The following PCDHGA4 variants were observed in gnomAD, a reference collection of about 807,000 sequenced individuals.
PCDHGA4 encodes protocadherin gamma-A4.
Under a neutral mutation model 54.6 loss-of-function variants are expected in PCDHGA4, and 38 were observed. The observed-to-expected ratio is 0.70, with a 90% CI of 0.54 to 0.91. PCDHGA4 has a LOEUF of 0.91. Ranked by LOEUF, PCDHGA4 falls within the 40% of genes least tolerant of loss-of-function variation. The pLI is 0.00. For missense variants in PCDHGA4, 1,298 were observed against 1,220.9 expected (o/e 1.06, Z -0.94); for synonymous variants, 511 against 512.9 (o/e 1.00, Z 0.05).
intron 1 of PCDHGA4, chr5:141,439,898 C>T (rs1428014089): frequency 6.6e-6 from 1 of 152,344 alleles, no homozygotes; most frequent in African/African-American, 2.4e-5. Context: ...ACCAAGGCGA[C>T]TACTGCCTCC....
chr5:141,374,160 C>T, intron 1 of PCDHGA4: 1 of 1,612,164 alleles, frequency 6.2e-7, no homozygotes, highest in Non-Finnish European at 8.5e-7. Context: ...CTGTGGGGGG[C>T]CGCGGCAGCG....
At chr5:141,500,252 A>G (rs2099798400) in intron 2 of PCDHGA4, among the ~76,000 whole-genome samples, 1 of 151,094 alleles carries the variant, frequency 6.6e-6, no homozygotes, top group East Asian at 1.9e-4. Flanking sequence ...TCTGTCACCC[A>G]GGCTGGACTG....
At chr5:141,413,369 A>G (rs767278842) in intron 1 of PCDHGA4, 1 of 1,613,964 alleles carries the variant, frequency 6.2e-7, no homozygotes, top group South Asian at 1.1e-5. Context: ...GAGCTGGCGG[A>G]GCGCGGAGTC....
chr5:141,474,981 G>A (rs1336399018), intron 1 of PCDHGA4, among the ~76,000 whole-genome samples: 1 of 152,126 alleles, frequency 6.6e-6, no homozygotes, highest in African/African-American at 2.4e-5. Context: ...ATTTTGTTTG[G>A]TGACAACAAT....
chr5:141,388,742 G>A (rs1340234849), intron 1 of PCDHGA4: 12 of 1,614,004 alleles, frequency 7.4e-6, no homozygotes, highest in Non-Finnish European at 1.0e-5. Flanking sequence ...AAGCTAGCCA[G>A]ATCACCCAAT....
chr5:141,456,884 A>G (rs1448469695), intron 1 of PCDHGA4, among the ~76,000 whole-genome samples: 1 of 151,974 alleles, frequency 6.6e-6, no homozygotes, highest in East Asian at 1.9e-4. Flanking sequence ...AATCGCTTGA[A>G]CCCGGGAGGC....
At chr5:141,430,925 C>G (rs1313621122) in intron 1 of PCDHGA4, 2 of 1,607,162 alleles carry the variant, frequency 1.2e-6, no homozygotes, top group Non-Finnish European at 8.5e-7. Context: ...GGGGCTGGAG[C>G]CCCGGGAGCT....
Position 141,431,962 on chromosome 5 carries a change from C to G in PCDHGA4, c.2515-62845C>G. 1.2e-6 allele frequency: 2 copies of G among 1,614,190 alleles called. No homozygotes were observed. Among genetic ancestry groups the G allele is most frequent in the South Asian group, 2.2e-5 (2 of 91,086 alleles). ...AATTAGAAAAATCTTACGGAAATTACTATAGTTTAGTCACAGACATAGTCT... is the reference window on the plus strand; with the variant it reads ...AATTAGAAAAATCTTACGGAAATTAGTATAGTTTAGTCACAGACATAGTCT... On this transcript the variant is annotated intron_variant, in intron 1 of 3. Transcript: ENST00000571252. The surrounding 1 kb of genome is among the most constrained non-coding windows in gnomAD (Gnocchi z 4.8).
intron 1 of PCDHGA4, among the ~76,000 whole-genome samples, chr5:141,445,751 G>T (rs1211416281): frequency 2.0e-5 from 3 of 152,102 alleles, no homozygotes; most frequent in Non-Finnish European, 4.4e-5. Context: ...AAAAATAAAA[G>T]GTGTGACTCA....
At chr5:141,435,446 G>A (rs889481920) in intron 1 of PCDHGA4, among the ~76,000 whole-genome samples, 12 of 152,060 alleles carry the variant, frequency 7.9e-5, no homozygotes, top group Admixed American at 6.6e-4. Context: ...TCATTAATAC[G>A]ATATCTGTAT....
intron 1 of PCDHGA4, chr5:141,418,458 T>C: frequency 6.2e-7 from 1 of 1,614,010 alleles, no homozygotes; most frequent in African/African-American, 1.3e-5. Context: ...CAGAAGACTC[T>C]GGACCGAGAA....
intron 1 of PCDHGA4, among the ~76,000 whole-genome samples, chr5:141,448,917 C>T (rs913804081): frequency 2.6e-5 from 4 of 152,130 alleles, no homozygotes; most frequent in African/African-American, 9.7e-5. Context: ...TGCACTCCAG[C>T]CTGGGCGACA....
rs1184232947 is a variant in PCDHGA4 at position 141,487,060 on chromosome 5, G to T, written c.2515-7747G>T. ...TCTCTCGATATGCTGGGGAGGTGCG[G>T]ACGGCTGTTCCTATCCCAGCTGACC... On this transcript the variant is annotated intron_variant, in intron 1 of 3. Transcript: ENST00000571252. This position sits in a 1 kb window ranked among gnomAD's most constrained non-coding sequence, Gnocchi z 5.0. The T allele has an allele frequency of 1.9e-6, 3 of 1,614,182 alleles. No individual in the cohort carries two copies. In the East Asian group the frequency reaches 6.7e-5, roughly 36 times the overall value.
chr5:141,394,060 C>G, intron 1 of PCDHGA4: 8 of 1,613,780 alleles, frequency 5.0e-6, no homozygotes, highest in Non-Finnish European at 5.9e-6. Context: ...GAAAATGTCT[C>G]TATCTACAAT....
chr5:141,486,832 A>G lies in PCDHGA4; in HGVS notation c.2515-7975A>G. 2.5e-6 allele frequency: 4 copies of G among 1,614,182 alleles called. No individual in the cohort carries two copies. Among genetic ancestry groups the G allele is most frequent in the South Asian group, 1.1e-5 (1 of 91,082 alleles). ...TTAGCAGCACTGTAACAGTTCGTCT[A>G]TTTGTGCTGGACCTCAATGACAATG... On this transcript the variant is annotated intron_variant, in intron 1 of 3. Transcript: ENST00000571252. The surrounding 1 kb of genome is among the most constrained non-coding windows in gnomAD (Gnocchi z 5.0).
rs1333168918 is a variant in PCDHGA4, at chr5:141,375,648, A to G, written c.2514+18027A>G. On this transcript the variant is annotated intron_variant, in intron 1 of 3. Coordinates refer to ENST00000571252, the MANE Select transcript of PCDHGA4 (RefSeq NM_018917.4). The stretch of plus-strand genomic sequence containing the variant: ...CTGTACGCCCTGCGCTCCTTCGACT[A>G]TGAGCAGTTGAGAGACCTACAGCTG... 3.7e-6 allele frequency: 6 copies of G among 1,614,030 alleles called. No individual in the cohort carries two copies. The African/African-American group carries it at 6.7e-5, about 18-fold the overall frequency.
At chr5:141,500,546 G>A (rs1428503967) in intron 2 of PCDHGA4, among the ~76,000 whole-genome samples, 1 of 152,126 alleles carries the variant, frequency 6.6e-6, no homozygotes, top group African/African-American at 2.4e-5. Context: ...ACCTAAATAA[G>A]TTGTTCACAA....
In PCDHGA4 at chr5:141,432,498, G is replaced by A. The variant is rs766191511; in HGVS notation, c.2515-62309G>A. Reference sequence around the variant, plus strand: ...TCCACTGGCGTGGAGCTGGCTCCCCGCTCCGCAGAGCCCGGCTACCTGGTG... The same window carrying A: ...TCCACTGGCGTGGAGCTGGCTCCCCACTCCGCAGAGCCCGGCTACCTGGTG... On this transcript the variant is annotated intron_variant, in intron 1 of 3. Coordinates refer to ENST00000571252, the MANE Select transcript of PCDHGA4 (RefSeq NM_018917.4). This position sits in a 1 kb window ranked among gnomAD's most constrained non-coding sequence, Gnocchi z 6.0. The A allele has an allele frequency of 1.9e-6, 3 of 1,614,106 alleles. No homozygotes were observed. The highest frequency in any genetic ancestry group is 2.5e-6 in the Non-Finnish European group (3 of 1,180,052).
chr5:141,376,252 C>G (rs756828511), intron 1 of PCDHGA4: 1 of 1,614,248 alleles, frequency 6.2e-7, no homozygotes, highest in Non-Finnish European at 8.5e-7. Context: ...ACAAGTCACG[C>G]CTGCTGCAGG....
Sources: allele counts gnomAD v4.1 joint callset (sites outside exome capture counted in the v4.1 genomes callset), GRCh38; gene constraint gnomAD v4.1.1; non-coding constraint Gnocchi (gnomAD v3.1); transcripts MANE v1.5; gene names NCBI Gene and HGNC (gene_info 2026-07-23, HGNC 2026-07-21).